Variants in EXOC6B observed in about 807,000 individuals in gnomAD.
The protein encoded by EXOC6B is SEC15 homolog B.
EXOC6B carries 54 observed loss-of-function variants against 113.5 expected under a neutral mutation model. The observed-to-expected ratio is 0.48, with a 90% CI of 0.38 to 0.60. EXOC6B has a LOEUF of 0.60. Ranked by LOEUF, EXOC6B falls within the 20% of genes least tolerant of loss-of-function variation. EXOC6B has a pLI of 0.00. For missense variants in EXOC6B, 797 were observed against 977.5 expected (o/e 0.82, Z 2.46); for synonymous variants, 357 against 339.0 (o/e 1.05, Z -0.58).
At chr2:72,304,259 A>G (rs949894681) in intron 20 of EXOC6B, among the ~76,000 whole-genome samples, 2 of 152,196 alleles carry the variant, frequency 1.3e-5, no homozygotes, top group Non-Finnish European at 2.9e-5. Context: ...CTTATACACA[A>G]TACTATAATG....
chr2:72,473,560 A>C (rs958693283), intron 17 of EXOC6B, among the ~76,000 whole-genome samples: 1 of 152,012 alleles, frequency 6.6e-6, no homozygotes, highest in Non-Finnish European at 1.5e-5. Context: ...GTTCATATGC[A>C]TCTTTAAAGG....
intron 8 of EXOC6B, among the ~76,000 whole-genome samples, chr2:72,520,643 A>C (rs771063611): frequency 2.0e-5 from 3 of 152,198 alleles, no homozygotes; most frequent in Non-Finnish European, 2.9e-5. Flanking sequence ...TAACATCATT[A>C]TGGAAGTGGC....
At chr2:72,805,553 T>C (rs1187140478) in intron 1 of EXOC6B, among the ~76,000 whole-genome samples, 1 of 152,214 alleles carries the variant, frequency 6.6e-6, no homozygotes, top group Non-Finnish European at 1.5e-5. Context: ...TACAACATGA[T>C]GTTTTGATAT....
At position 72,368,447 on chromosome 2, in the gene EXOC6B, T is replaced by C. The variant is rs1359565624; in HGVS notation, c.2122+11282A>G. 5.3e-5 allele frequency among the ~76,000 whole-genome samples: 8 copies of C among 152,094 alleles called. 1 individual carries two copies. In the East Asian group the frequency reaches 1.5e-3, roughly 29 times the overall value. ...TTCTACCAGAGGTACAAGGAGGAGC[T>C]GGTACCATTCCTTCTGAAACTATTC... On this transcript the variant is annotated intron_variant, in intron 19 of 21. Transcript: ENST00000272427.
chr2:72,649,995 C>A (rs976929860), intron 6 of EXOC6B, among the ~76,000 whole-genome samples: 1 of 152,212 alleles, frequency 6.6e-6, no homozygotes, highest in Non-Finnish European at 1.5e-5. Flanking sequence ...AGGCCACGGG[C>A]CAGTACCGGT....
At chr2:72,241,593 A>G (rs1295953583) in intron 20 of EXOC6B, among the ~76,000 whole-genome samples, 1 of 152,154 alleles carries the variant, frequency 6.6e-6, no homozygotes, top group Non-Finnish European at 1.5e-5. Flanking sequence ...AAAGAAAAAA[A>G]TCTTAAAAGA....
intron 11 of EXOC6B, among the ~76,000 whole-genome samples, chr2:72,508,161 C>T (rs1315114789): frequency 7.7e-5 from 4 of 51,654 alleles, no homozygotes; most frequent in East Asian, 4.2e-4. Context: ...AAATATTACC[C>T]GCAAAAAAAA....
chr2:72,299,993 T>G (rs1686404369), intron 20 of EXOC6B, among the ~76,000 whole-genome samples: 1 of 152,162 alleles, frequency 6.6e-6, no homozygotes, highest in African/African-American at 2.4e-5. Context: ...TCAGGATACA[T>G]GGGGGTCAGG....
In EXOC6B at chr2:72,405,051, G is replaced by C. The variant is rs113204635; in HGVS notation, c.1981-25181C>G. 2.6e-5 allele frequency among the ~76,000 whole-genome samples: 4 copies of C among 152,260 alleles called. No individual in the cohort carries two copies. In the East Asian group the frequency reaches 7.7e-4, roughly 29 times the overall value. On this transcript the variant is annotated intron_variant, in intron 18 of 21. Coordinates refer to ENST00000272427, the MANE Select transcript of EXOC6B (RefSeq NM_015189.3). ...CTGAAAACCATGGCACAAGAACTAC[G>C]TGACAAATGCACAAGCCTCAGTAGC...
intron 5 of EXOC6B, chr2:72,722,105 A>G (rs1680047757): frequency 6.6e-6 from 1 of 152,098 alleles, no homozygotes; most frequent in African/African-American, 2.4e-5. Context: ...TATATGAGAT[A>G]TATATCACTG....
At chr2:72,231,318 A>G (rs1681607028) in intron 20 of EXOC6B, among the ~76,000 whole-genome samples, 1 of 152,214 alleles carries the variant, frequency 6.6e-6, no homozygotes, top group South Asian at 2.1e-4. Flanking sequence ...TTAGTTTCAG[A>G]TCCTTCTCCA....
intron 1 of EXOC6B, among the ~76,000 whole-genome samples, chr2:72,821,051 A>C (rs973620753): frequency 6.6e-6 from 1 of 152,132 alleles, no homozygotes; most frequent in African/African-American, 2.4e-5. Flanking sequence ...GATATCAAAA[A>C]ATGGAAAAGA....
chr2:72,356,183 T>G (rs930096873), intron 19 of EXOC6B, among the ~76,000 whole-genome samples: 4 of 152,218 alleles, frequency 2.6e-5, no homozygotes, highest in Admixed American at 2.6e-4. Context: ...TTTCTACTAG[T>G]ATGTTCAGGT....
intron 20 of EXOC6B, among the ~76,000 whole-genome samples, chr2:72,238,476 C>A (rs1046671770): frequency 2.6e-5 from 4 of 152,168 alleles, no homozygotes; most frequent in Admixed American, 1.3e-4. Flanking sequence ...TGAGGAACTG[C>A]CAGACTGTTT....
At position 72,179,183 on chromosome 2, in the gene EXOC6B, G is replaced by C; in HGVS notation, c.*152C>G. On this transcript the variant is annotated 3_prime_UTR_variant, in exon 22 of 22. Coordinates refer to ENST00000272427, the MANE Select transcript of EXOC6B (RefSeq NM_015189.3). ...TATTCTTGTGCCTCTTTTACTATAG[G>C]GAAATGTTATGTGAATACTGCACAG... The C allele has an allele frequency of 1.2e-6, 1 of 856,392 alleles. No individual in the cohort carries two copies. Among genetic ancestry groups the C allele is most frequent in the Non-Finnish European group, 1.7e-6 (1 of 584,472 alleles). 53.0% of individuals were successfully genotyped at this position (856,392 alleles called of 1,614,324 possible).
intron 1 of EXOC6B, among the ~76,000 whole-genome samples, chr2:72,799,936 G>C (rs182703712): frequency 6.6e-6 from 1 of 152,022 alleles, no homozygotes; most frequent in Non-Finnish European, 1.5e-5. Context: ...ATGGTGGCAT[G>C]CACCTGTAGT....
intron 18 of EXOC6B, among the ~76,000 whole-genome samples, chr2:72,401,390 A>G (rs962461804): frequency 8.2e-5 from 12 of 146,860 alleles, no homozygotes; most frequent in African/African-American, 3.0e-4. Context: ...TGAACCCAGG[A>G]GGCGGAGGTT....
intron 20 of EXOC6B, among the ~76,000 whole-genome samples, chr2:72,262,811 A>C (rs1683819879): frequency 6.6e-6 from 1 of 152,200 alleles, no homozygotes; most frequent in Non-Finnish European, 1.5e-5. Flanking sequence ...TTCAATATAT[A>C]CTTACTGCAA....
intron 1 of EXOC6B, among the ~76,000 whole-genome samples, chr2:72,744,005 T>C (rs1285964062): frequency 1.3e-5 from 2 of 152,196 alleles, no homozygotes; most frequent in African/African-American, 4.8e-5. Context: ...AGGCTTTGTA[T>C]TGTAGTGCAA....
Sources: gnomAD v4.1 joint callset for allele counts (sites outside exome capture counted in the v4.1 genomes callset) on GRCh38, gnomAD v4.1.1 for gene constraint, MANE v1.5 for transcripts, NCBI Gene and HGNC (gene_info 2026-07-23, HGNC 2026-07-21) for gene names.